TCF4: variants seen among roughly 807,000 people sequenced by gnomAD.
TCF4 encodes the protein SL3-3 enhancer factor 2.
TCF4 carries 3 observed loss-of-function variants against 82.1 expected under a neutral mutation model. That is an observed-to-expected ratio of 0.04 (90% CI 0.02 to 0.09). TCF4 has a LOEUF of 0.09. TCF4 is among the 10% of genes least tolerant of loss of function. TCF4 has a pLI of 1.00. For missense variants in TCF4, 518 were observed against 852.7 expected (o/e 0.61, Z 4.89); for synonymous variants, 276 against 309.6 (o/e 0.89, Z 1.14).
At chr18:55,303,568 G>T (rs1187882663) in intron 8 of TCF4, among the ~76,000 whole-genome samples, 1 of 152,072 alleles carries the variant, frequency 6.6e-6, no homozygotes, top group Admixed American at 6.6e-5. Context: ...TTCTTTGTTA[G>T]AATTTTGGAG....
chr18:55,428,247 T>C (rs936950131), intron 5 of TCF4, among the ~76,000 whole-genome samples: 1 of 152,170 alleles, frequency 6.6e-6, no homozygotes, highest in Admixed American at 6.5e-5. Context: ...TTCTATAACA[T>C]CACATTTCCC....
In TCF4 at chr18:55,227,770, T is replaced by TA; in HGVS notation, c.*264dup. 1 of 201,230 alleles carries TA rather than the reference T, an allele frequency of 5.0e-6. No individual in the cohort carries two copies. Among genetic ancestry groups the TA allele is most frequent in the South Asian group, 8.5e-5 (1 of 11,770 alleles). 12.5% of individuals were successfully genotyped at this position (201,230 alleles called of 1,614,324 possible). ...AGTCTCTGGGCTGTGTCTCAGCCTG[T>TA]ACATACTGCTTTGCACATTCTGAAT... On this transcript the variant is annotated 3_prime_UTR_variant, in exon 20 of 20. Transcript: ENST00000354452.
At chr18:55,390,057 G>A (rs2092943150) in intron 6 of TCF4, among the ~76,000 whole-genome samples, 1 of 152,054 alleles carries the variant, frequency 6.6e-6, no homozygotes, top group African/African-American at 2.4e-5. Context: ...TACCAAAGGT[G>A]AATTATCTAT....
chr18:55,470,338 T>A (rs1758721313), intron 3 of TCF4, among the ~76,000 whole-genome samples: 1 of 152,182 alleles, frequency 6.6e-6, no homozygotes, highest in African/African-American at 2.4e-5. Flanking sequence ...CAGTGATTTT[T>A]AAATACTCTC....
intron 6 of TCF4, among the ~76,000 whole-genome samples, chr18:55,378,322 T>C (rs780997788): frequency 1.1e-4 from 16 of 152,194 alleles, no homozygotes; most frequent in Non-Finnish European, 2.2e-4. Context: ...CTGAGCACAG[T>C]CTGTAATTTA....
Position 55,350,395 on chromosome 18 carries a change from C to G in TCF4, c.513G>C (p.Lys171Asn), listed in dbSNP as rs2082088013. Residue 171 changes from lysine to asparagine, a missense_variant, in exon 8 of 20, where the codon AAG becomes AAC. Transcript: ENST00000354452. ...LHSSAMEVQTKKVRKVPPGLP... is the reference protein window; with the variant it reads ...LHSSAMEVQTNKVRKVPPGLP... ...AACCTGGAGGAACTTTTCGAACTTT[C>G]TTTGTCTGTACCTCTGAAAGAAAAT... is the stretch of plus-strand genomic sequence containing the variant. 6.2e-7 allele frequency: 1 copy of G among 1,613,610 alleles called. No individual in the cohort carries two copies. Among genetic ancestry groups the G allele is most frequent in the Non-Finnish European group, 8.5e-7 (1 of 1,179,678 alleles).
At chr18:55,463,732 C>T (rs1013442774) in intron 4 of TCF4, among the ~76,000 whole-genome samples, 14 of 152,014 alleles carry the variant, frequency 9.2e-5, no homozygotes, top group African/African-American at 2.4e-4. Flanking sequence ...CAACAAACAG[C>T]ATTATGTAAT....
chr18:55,290,923 T>G (rs1437540112), intron 8 of TCF4, among the ~76,000 whole-genome samples: 6 of 152,244 alleles, frequency 3.9e-5, no homozygotes, highest in Admixed American at 2.0e-4. Context: ...TCTTTGATCT[T>G]GAACTTAATT....
chr18:55,467,481 A>G (rs2096056801), intron 3 of TCF4, among the ~76,000 whole-genome samples: 1 of 152,158 alleles, frequency 6.6e-6, no homozygotes, highest in South Asian at 2.1e-4. Flanking sequence ...ACAGGTCCCC[A>G]GGTAACTTTT....
At position 55,269,891 on chromosome 18, in the gene TCF4, T is replaced by C. The variant is rs2059983269; in HGVS notation, c.862A>G (p.Thr288Ala). The C allele has an allele frequency of 6.2e-7, 1 of 1,613,374 alleles. No individual in the cohort carries two copies. Among genetic ancestry groups the C allele is most frequent in the Non-Finnish European group, 8.5e-7 (1 of 1,179,512 alleles). The change falls in exon 11 of 20, where the codon ACA becomes GCA. Residue 288 changes from threonine to alanine, a missense_variant. This residue lies in a region of TCF4 where 211 missense variants were observed against 327.4 expected (regional missense o/e 0.64). Transcript: ENST00000354452. The part of the protein sequence containing the change: ...PPMSTFHRSG[T>A]NHYSTSSCTP... Reference sequence around the variant, plus strand: ...CAGGAAGAGGTGCTGTAATGGTTTGTACCACTACGATGGAAAGTGGACATC... The same window carrying C: ...CAGGAAGAGGTGCTGTAATGGTTTGCACCACTACGATGGAAAGTGGACATC...
At chr18:55,628,190 C>G (rs1177409503) in intron 2 of TCF4, among the ~76,000 whole-genome samples, 1 of 152,198 alleles carries the variant, frequency 6.6e-6, no homozygotes, top group East Asian at 1.9e-4. Context: ...GACTTCCTCT[C>G]TTGCCCCGTA....
intron 2 of TCF4, 197 bp downstream of exon 2, chr18:55,586,848 A>AAAAAAGC: frequency 1.8e-6 from 1 of 545,002 alleles, no homozygotes; most frequent in Non-Finnish European, 3.3e-6. Flanking sequence ...CTCAAAAAAA[A>AAAAAAGC]AAAAAAGCCT....
intron 8 of TCF4, among the ~76,000 whole-genome samples, chr18:55,332,661 A>C (rs2077810353): frequency 6.6e-6 from 1 of 152,210 alleles, no homozygotes; most frequent in Non-Finnish European, 1.5e-5. Context: ...AACATTGGCC[A>C]TTGCTGTCCA....
At chr18:55,497,955 A>G (rs2096655840) in intron 3 of TCF4, among the ~76,000 whole-genome samples, 1 of 152,234 alleles carries the variant, frequency 6.6e-6, no homozygotes, top group South Asian at 2.1e-4. Flanking sequence ...ACAGTGGAAT[A>G]CACAAAGCAC....
At chr18:55,521,995 C>T (rs1343293047) in intron 3 of TCF4, among the ~76,000 whole-genome samples, 1 of 152,074 alleles carries the variant, frequency 6.6e-6, no homozygotes, top group African/African-American at 2.4e-5. Flanking sequence ...AACAGGGAAG[C>T]GGTTGGGTTT....
chr18:55,587,601 C>T (rs1603624863), intron 1 of TCF4, among the ~76,000 whole-genome samples: 1 of 151,410 alleles, frequency 6.6e-6, no homozygotes, highest in South Asian at 2.1e-4. Context: ...CACTCGCACA[C>T]GCACACACAC....
chr18:55,333,961 A>AC (rs1209846881), intron 8 of TCF4, among the ~76,000 whole-genome samples: 3 of 151,990 alleles, frequency 2.0e-5, no homozygotes, highest in Admixed American at 6.6e-5. Flanking sequence ...CAGAACTGTG[A>AC]CCCCTTTCAT....
chr18:55,270,203 T>C (rs934739910), intron 10 of TCF4, among the ~76,000 whole-genome samples: 1 of 152,104 alleles, frequency 6.6e-6, no homozygotes, highest in African/African-American at 2.4e-5. Flanking sequence ...ATGAGGGACA[T>C]TGAGAAATGA....
intron 5 of TCF4, among the ~76,000 whole-genome samples, chr18:55,416,572 AT>A (rs1292467318): frequency 6.6e-6 from 1 of 152,040 alleles, no homozygotes; most frequent in African/African-American, 2.4e-5. Context: ...TAATATATAT[AT>A]TTTTTAGCAT....
Sources: allele counts gnomAD v4.1 joint callset (sites outside exome capture counted in the v4.1 genomes callset), GRCh38; gene constraint gnomAD v4.1.1; regional missense constraint gnomAD v4.1.1; transcripts MANE v1.5; gene names NCBI Gene and HGNC (gene_info 2026-07-23, HGNC 2026-07-21).